DDX10: variants seen among roughly 807,000 people sequenced by gnomAD.
The protein encoded by DDX10 is DEAD-box helicase 10.
In DDX10, 74 loss-of-function variants were observed where a neutral mutation model predicts 104.3. That is an observed-to-expected ratio of 0.71 (90% CI 0.59 to 0.86). The LOEUF is 0.86. Ranked by LOEUF, DDX10 falls within the 40% of genes least tolerant of loss-of-function variation. DDX10 has a pLI of 0.00. For synonymous variants in DDX10, 351 were observed against 353.4 expected (o/e 0.99, Z 0.08); for missense variants, 952 against 1,040.0 (o/e 0.92, Z 1.16).
chr11:108,731,923 CTT>C (rs1436396621), intron 13 of DDX10, among the ~76,000 whole-genome samples: 3 of 152,152 alleles, frequency 2.0e-5, no homozygotes, highest in African/African-American at 4.8e-5. Context: ...ACACTGCTGA[CTT>C]TGTTGAAATT....
At chr11:108,911,553 C>CTTTTTTTTTTTTTTT (rs1565316439) in intron 16 of DDX10, among the ~76,000 whole-genome samples, 2 of 117,146 alleles carry the variant, frequency 1.7e-5, no homozygotes, top group African/African-American at 3.3e-5. Context: ...TTTGCCTCCT[C>CTTTTTTTTTTTTTTT]TTCTTTTTTT....
chr11:108,896,581 G>C (rs1863444305), intron 16 of DDX10, among the ~76,000 whole-genome samples: 1 of 152,150 alleles, frequency 6.6e-6, no homozygotes, highest in Non-Finnish European at 1.5e-5. Flanking sequence ...ACAATCTAGA[G>C]TTTATTGTAG....
intron 16 of DDX10, among the ~76,000 whole-genome samples, chr11:108,882,964 C>T (rs896364310): frequency 5.3e-5 from 8 of 152,254 alleles, no homozygotes; most frequent in South Asian, 4.1e-4. Flanking sequence ...TTTGTCCATT[C>T]GTTCCTCTTT....
chr11:108,838,658 A>C (rs974827119), intron 14 of DDX10, 93 bp downstream of exon 14: 13 of 1,387,634 alleles, frequency 9.4e-6, no homozygotes, highest in Middle Eastern at 1.9e-4. Flanking sequence ...ATGATAGAGT[A>C]AATGTTTCTC....
At chr11:108,732,228 T>G (rs2094313208) in intron 13 of DDX10, among the ~76,000 whole-genome samples, 1 of 152,212 alleles carries the variant, frequency 6.6e-6, no homozygotes. Flanking sequence ...GTTCTCATTT[T>G]TCCTTATGAC....
rs1185764653 is a variant in DDX10, at chr11:108,693,620, T to G, written c.1223+20T>G. On this transcript the variant is annotated intron_variant, in intron 9 of 17. Coordinates refer to ENST00000322536, the MANE Select transcript of DDX10 (RefSeq NM_004398.4). ...TGCCAGGTAGGTGTACTGACTAATTTCTTTTCTTTTGCTACTATCTAAATA... is the reference window on the plus strand; with the variant it reads ...TGCCAGGTAGGTGTACTGACTAATTGCTTTTCTTTTGCTACTATCTAAATA... The G allele has an allele frequency of 6.4e-7, 1 of 1,557,092 alleles. No individual in the cohort carries two copies. Among genetic ancestry groups the G allele is most frequent in the Admixed American group, 1.7e-5 (1 of 59,818 alleles).
chr11:108,790,684 A>G (rs1861858309), intron 13 of DDX10, among the ~76,000 whole-genome samples: 1 of 151,896 alleles, frequency 6.6e-6, no homozygotes, highest in African/African-American at 2.4e-5. Context: ...TGGCCAAGAC[A>G]TTTCTGTCAT....
intron 13 of DDX10, among the ~76,000 whole-genome samples, chr11:108,813,828 T>C (rs1221873428): frequency 6.6e-6 from 1 of 152,194 alleles, no homozygotes; most frequent in African/African-American, 2.4e-5. Flanking sequence ...GTCAATCTTT[T>C]CTACTGATTT....
intron 16 of DDX10, among the ~76,000 whole-genome samples, chr11:108,880,276 C>G (rs2134631316): frequency 6.6e-6 from 1 of 152,266 alleles, no homozygotes; most frequent in African/African-American, 2.4e-5. Flanking sequence ...TCTTCCTCTT[C>G]TTCTAAGTGT....
chr11:108,816,616 G>A lies in DDX10; in HGVS notation c.1966-21830G>A, dbSNP rs961346484. ...CGCCCAGGCTGGAGTACAGTGGCACGATCTTGGCTCACTGCAACGTCTGCC... is the reference window on the plus strand; with the variant it reads ...CGCCCAGGCTGGAGTACAGTGGCACAATCTTGGCTCACTGCAACGTCTGCC... On this transcript the variant is annotated intron_variant, in intron 13 of 17. Transcript: ENST00000322536. 2.0e-5 allele frequency among the ~76,000 whole-genome samples: 3 copies of A among 149,292 alleles called. No homozygotes were observed. The East Asian group carries it at 6.0e-4, about 30-fold the overall frequency.
At chr11:108,810,376 T>G (rs1862162612) in intron 13 of DDX10, among the ~76,000 whole-genome samples, 1 of 152,080 alleles carries the variant, frequency 6.6e-6, no homozygotes, top group Non-Finnish European at 1.5e-5. Flanking sequence ...TGTTATTTGA[T>G]CTTATTATGT....
At chr11:108,849,443 T>C (rs1179317455) in intron 15 of DDX10, among the ~76,000 whole-genome samples, 1 of 152,088 alleles carries the variant, frequency 6.6e-6, no homozygotes, top group Non-Finnish European at 1.5e-5. Flanking sequence ...AAGTTTAAAT[T>C]AGTAGTCATG....
intron 16 of DDX10, chr11:108,860,677 C>G (rs546208214): frequency 6.6e-6 from 1 of 152,284 alleles, no homozygotes; most frequent in East Asian, 1.9e-4. Flanking sequence ...TCCCAAGTAG[C>G]TGGGACTACA....
At chr11:108,848,401 A>G (rs1241087382) in intron 15 of DDX10, among the ~76,000 whole-genome samples, 1 of 152,178 alleles carries the variant, frequency 6.6e-6, no homozygotes, top group Non-Finnish European at 1.5e-5. Context: ...CTGGTGCCTA[A>G]TTCTGAAATG....
chr11:108,891,551 G>A (rs1384136042), intron 16 of DDX10, among the ~76,000 whole-genome samples: 1 of 152,146 alleles, frequency 6.6e-6, no homozygotes, highest in Non-Finnish European at 1.5e-5. Context: ...TAGCCAATAT[G>A]CAAAGAAAAA....
intron 17 of DDX10, among the ~76,000 whole-genome samples, chr11:108,923,742 G>C (rs1039485966): frequency 4.6e-5 from 7 of 152,186 alleles, no homozygotes; most frequent in African/African-American, 1.7e-4. Flanking sequence ...GAGTAGGTAG[G>C]GAATGAACAT....
intron 6 of DDX10, among the ~76,000 whole-genome samples, chr11:108,681,682 G>A (rs2094235457): frequency 1.3e-5 from 2 of 152,192 alleles, no homozygotes; most frequent in Non-Finnish European, 2.9e-5. Context: ...TTTTCATTAT[G>A]TGGTTATATA....
chr11:108,737,815 T>C (rs909904279), intron 13 of DDX10, among the ~76,000 whole-genome samples: 2 of 151,716 alleles, frequency 1.3e-5, no homozygotes, highest in Admixed American at 6.6e-5. Flanking sequence ...CTACACCTAA[T>C]AATTCTCACC....
intron 16 of DDX10, 112 bp downstream of exon 16, chr11:108,852,321 C>T: frequency 1.4e-6 from 1 of 705,386 alleles, no homozygotes; most frequent in Non-Finnish European, 2.3e-6. Flanking sequence ...AATTTAAATC[C>T]TCTTCTTTTC....
Sources: gnomAD v4.1 joint callset for allele counts (sites outside exome capture counted in the v4.1 genomes callset) on GRCh38, gnomAD v4.1.1 for gene constraint, MANE v1.5 for transcripts, NCBI Gene and HGNC (gene_info 2026-07-23, HGNC 2026-07-21) for gene names.